ZNF331: variants seen among roughly 807,000 people sequenced by gnomAD.
ZNF331 encodes the protein C2H2-like zinc finger protein rearranged in thyroid adenomas.
A neutral mutation model predicts 7.0 loss-of-function variants in ZNF331; 2 were observed. The ratio of observed to expected loss-of-function variants is 0.29; its 90% confidence interval spans 0.12 to 0.90. ZNF331 has a LOEUF of 0.90. Among genes scored for constraint, ZNF331 ranks in the 40% least tolerant of loss-of-function variants. The pLI is 0.58. For missense variants in ZNF331, 432 were observed against 587.7 expected (o/e 0.74, Z 2.74); for synonymous variants, 196 against 205.4 (o/e 0.95, Z 0.39).
intron 3 of ZNF331, among the ~76,000 whole-genome samples, chr19:53,559,882 C>G (rs558660969): frequency 6.6e-6 from 1 of 151,354 alleles, no homozygotes; most frequent in East Asian, 1.9e-4. Context: ...AGCATATACA[C>G]ACACATGCCA....
At chr19:53,519,885 A>G (rs569642642), upstream of ZNF331, among the ~76,000 whole-genome samples, 6 of 152,260 alleles carry the variant, frequency 3.9e-5, no homozygotes, top group Non-Finnish European at 7.4e-5. Flanking sequence ...TCTCACATGT[A>G]AACACCCTAC....
intron 4 of ZNF331, among the ~76,000 whole-genome samples, chr19:53,570,323 G>A (rs539814393): frequency 6.6e-6 from 1 of 150,876 alleles, no homozygotes; most frequent in African/African-American, 2.4e-5. Context: ...TAAATATGAA[G>A]ATCTTCCAGT....
At chr19:53,506,008 A>C in the ZNF331 span, among the ~76,000 whole-genome samples, 1 of 151,722 alleles carries the variant, frequency 6.6e-6, no homozygotes, top group Non-Finnish European at 1.5e-5. Flanking sequence ...AAAGAAAAAA[A>C]GTGCAGCGCA....
chr19:53,508,928 G>T, the ZNF331 span, among the ~76,000 whole-genome samples: 1 of 152,170 alleles, frequency 6.6e-6, no homozygotes, highest in Admixed American at 6.5e-5. Flanking sequence ...GGGAGAGGGA[G>T]AGTGACAACC....
chr19:53,520,990 C>T (rs1489133794), upstream of ZNF331: 3 of 152,300 alleles, frequency 2.0e-5, no homozygotes, highest in Non-Finnish European at 4.4e-5. Flanking sequence ...GTCGAAGCTT[C>T]TCTGGTTTCG....
intron 2 of ZNF331, among the ~76,000 whole-genome samples, chr19:53,526,754 A>C (rs1042401814): frequency 6.7e-6 from 1 of 149,646 alleles, no homozygotes; most frequent in Non-Finnish European, 1.5e-5. Context: ...GGGTTTCACC[A>C]TATTAGCCAG....
the ZNF331 span, chr19:53,512,258 A>G: frequency 6.5e-6 from 1 of 153,734 alleles, no homozygotes; most frequent in South Asian, 1.8e-4. Context: ...CAGGGAAGAC[A>G]GAGATGCCTG....
At chr19:53,568,347 C>CT (rs1600466199) in intron 3 of ZNF331, among the ~76,000 whole-genome samples, 1 of 152,170 alleles carries the variant, frequency 6.6e-6, no homozygotes, top group East Asian at 1.9e-4. Flanking sequence ...ACTCTGCTGT[C>CT]TTTGATGTGT....
Position 53,544,120 on chromosome 19 carries a change from G to A in ZNF331, c.-138+4838G>A, listed in dbSNP as rs539235580. On this transcript the variant is annotated intron_variant, in intron 2 of 5. Transcript: ENST00000449416. ...CATGCACCTGTAGTCCCAGCTACTC[G>A]GGAGGCTGAGGCAGGAGAATCGCTT... Among the ~76,000 whole-genome samples, 7 of 151,670 alleles carry A rather than the reference G, an allele frequency of 4.6e-5. No individual in the cohort carries two copies. In the South Asian group the frequency reaches 1.0e-3, roughly 23 times the overall value.
Position 53,571,466 on chromosome 19 carries a change from C to T in ZNF331, c.10-138C>T. ...GCTTCCGTCACAGTTACAGTGATGT[C>T]CTTACCGCCCCTTGCCGATGTCACG... is the stretch of plus-strand genomic sequence containing the variant. On this transcript the variant is annotated intron_variant, in intron 4 of 5. Coordinates refer to ENST00000449416, the MANE Select transcript of ZNF331 (RefSeq NM_001079906.2). This position sits in a 1 kb window ranked among gnomAD's most constrained non-coding sequence, Gnocchi z 4.7. The T allele has an allele frequency of 1.9e-6, 2 of 1,043,490 alleles. No individual in the cohort carries two copies. The highest frequency in any genetic ancestry group is 2.8e-6 in the Non-Finnish European group (2 of 707,234). The allele number at this position is 1,043,490 out of a possible 1,614,324, so 64.6% of individuals were successfully genotyped here.
rs111903860 is a variant in ZNF331, at chr19:53,547,942, G to T, written c.-137-7903G>T. Among the ~76,000 whole-genome samples, 435 of 151,396 alleles carry T rather than the reference G, an allele frequency of 2.9e-3. 1 individual carries two copies. The highest frequency in any genetic ancestry group is 9.9e-3 in the African/African-American group (410 of 41,264). On this transcript the variant is annotated intron_variant, in intron 2 of 5. Coordinates refer to ENST00000449416, the MANE Select transcript of ZNF331 (RefSeq NM_001079906.2). ...CATTTTTGTTTGTTTTTTTTTGTTT[G>T]TTTTCTAGACAGGGTCTTGCTCTGT...
chr19:53,575,939 C>G (rs969840424), intron 5 of ZNF331, among the ~76,000 whole-genome samples: 1 of 152,050 alleles, frequency 6.6e-6, no homozygotes, highest in African/African-American at 2.4e-5. Flanking sequence ...ACCTCGGCCT[C>G]CCAAAGTGCT....
chr19:53,516,653 A>G (rs1411102078), upstream of ZNF331, among the ~76,000 whole-genome samples: 1 of 152,146 alleles, frequency 6.6e-6, no homozygotes, highest in Non-Finnish European at 1.5e-5. Context: ...ACCTATGTCC[A>G]AGAGAAAAGT....
At chr19:53,553,193 C>G (rs1030223731) in intron 2 of ZNF331, among the ~76,000 whole-genome samples, 1 of 151,358 alleles carries the variant, frequency 6.6e-6, no homozygotes, top group Non-Finnish European at 1.5e-5. Flanking sequence ...TTTCCTCTAT[C>G]TTCTGCAAGA....
chr19:53,535,575 A>G (rs1457062654), upstream of ZNF331, among the ~76,000 whole-genome samples: 1 of 152,124 alleles, frequency 6.6e-6, no homozygotes, highest in Non-Finnish European at 1.5e-5. Flanking sequence ...CAGCCCAACC[A>G]CGGGTCACAT....
At chr19:53,549,549 G>T (rs1317272071) in intron 2 of ZNF331, among the ~76,000 whole-genome samples, 1 of 152,086 alleles carries the variant, frequency 6.6e-6, no homozygotes, top group African/African-American at 2.4e-5. Context: ...TGCTGATTCT[G>T]TTCCTCTGTG....
intron 2 of ZNF331, among the ~76,000 whole-genome samples, chr19:53,552,339 T>A (rs2089063933): frequency 6.6e-6 from 1 of 152,168 alleles, no homozygotes; most frequent in South Asian, 2.1e-4. Flanking sequence ...ACAAATTTCA[T>A]TCTTAACATC....
intron 3 of ZNF331, among the ~76,000 whole-genome samples, chr19:53,562,988 AAAAAAAC>A (rs1372238909): frequency 2.0e-5 from 3 of 151,714 alleles, no homozygotes; most frequent in African/African-American, 4.8e-5. Flanking sequence ...ACTGTCTCTT[AAAAAAAC>A]AAAAAACAAA....
the ZNF331 span, chr19:53,512,419 G>A: frequency 6.6e-6 from 1 of 152,224 alleles, no homozygotes; most frequent in Non-Finnish European, 1.5e-5. Context: ...CAGACCTAGA[G>A]TGCAGGGAGA....
Sources: allele counts gnomAD v4.1 joint callset (sites outside exome capture counted in the v4.1 genomes callset), GRCh38; gene constraint gnomAD v4.1.1; non-coding constraint Gnocchi (gnomAD v3.1); transcripts MANE v1.5; gene names NCBI Gene and HGNC (gene_info 2026-07-23, HGNC 2026-07-21).